CPD: variants seen among roughly 807,000 people sequenced by gnomAD.
The protein encoded by CPD is carboxypeptidase D, also known as metallocarboxypeptidase D.
CPD carries 69 observed loss-of-function variants against 138.3 expected under a neutral mutation model. That is an observed-to-expected ratio of 0.50 (90% CI 0.41 to 0.61). The LOEUF (loss-of-function observed/expected upper bound fraction) is 0.61, where lower values mean the gene tolerates loss of function less well. Among genes scored for constraint, CPD ranks in the 20% least tolerant of loss-of-function variants. CPD has a pLI of 0.00. For synonymous variants in CPD, 651 were observed against 642.1 expected, an observed-to-expected ratio of 1.01 and a Z score of -0.21; for missense variants, 1,432 against 1,733.3, an observed-to-expected ratio of 0.83 and a Z score of 3.09.
rs1396900502 is a variant in CPD at position 30,469,631 on chromosome 17, GAC to G, written c.*4821_*4822del. On this transcript the variant is annotated 3_prime_UTR_variant, in exon 21 of 21. Transcript: ENST00000225719. ...CTTTTTAATTTAGAAGAAATTCTGA[GAC>G]ACAAATAAAAAAAGAAATTTTTTAT... 4 of 152,108 alleles carry G rather than the reference GAC, an allele frequency of 2.6e-5. No homozygotes were observed. Among genetic ancestry groups the G allele is most frequent in the Admixed American group, 6.5e-5 (1 of 15,274 alleles). 9.4% of individuals were successfully genotyped at this position (152,108 alleles called of 1,614,324 possible). A position where few individuals can be genotyped will look rare whatever the true frequency, so the allele number is the denominator to read the frequency against.
In CPD at chr17:30,465,008, T is replaced by TAA. The variant is rs908139494; in HGVS notation, c.*202_*203dup. On this transcript the variant is annotated 3_prime_UTR_variant, in exon 21 of 21. Transcript: ENST00000225719. ...CCTTCCTTAAAGTACTCTAAACCTT[T>TAA]AAAAAAAAATCTGATTTATGCAGCA... The TAA allele has an allele frequency of 3.8e-6, 2 of 527,648 alleles. No homozygotes were observed. The highest frequency in any genetic ancestry group is 3.4e-6 in the Non-Finnish European group (1 of 295,532). 32.7% of individuals were successfully genotyped at this position (527,648 alleles called of 1,614,324 possible).
In CPD at chr17:30,466,464, C is replaced by T. The variant is rs1913641007; in HGVS notation, c.*1650C>T. 1.3e-5 allele frequency: 2 copies of T among 152,508 alleles called. No homozygotes were observed. The highest frequency in any genetic ancestry group is 6.6e-5 in the Admixed American group (1 of 15,252). The allele number at this position is 152,508 out of a possible 1,614,324, so 9.4% of individuals were successfully genotyped here. A position where few individuals can be genotyped will look rare whatever the true frequency, so the allele number is the denominator to read the frequency against. ...TGTTAATAAGTATCTGTGATAAATC[C>T]GTGGTTCAAGGTTAAGCCATTCTGG... On this transcript the variant is annotated 3_prime_UTR_variant, in exon 21 of 21. Transcript: ENST00000225719.
chr17:30,431,467 A>G (rs1005379667), intron 7 of CPD, among the ~76,000 whole-genome samples: 1 of 152,078 alleles, frequency 6.6e-6, no homozygotes, highest in African/African-American at 2.4e-5. Context: ...AATCCCGTAT[A>G]TCTGTTTTTT....
At chr17:30,401,176 A>T (rs1156776074) in intron 2 of CPD, among the ~76,000 whole-genome samples, 1 of 151,932 alleles carries the variant, frequency 6.6e-6, no homozygotes, top group Non-Finnish European at 1.5e-5. Context: ...TTCTATGGCC[A>T]CTTTCAAGAC....
rs1913637929 is a variant in CPD, at chr17:30,466,368, G to T, written c.*1554G>T. ...TTCCTAGGTCGTTCAACCAGGTTTT[G>T]TGAGGAATGCATTCAAAGTGGCTTT... On this transcript the variant is annotated 3_prime_UTR_variant, in exon 21 of 21. Transcript: ENST00000225719. 1.3e-5 allele frequency: 2 copies of T among 152,566 alleles called. No homozygotes were observed. The highest frequency in any genetic ancestry group is 4.8e-5 in the African/African-American group (2 of 41,440). The allele number at this position is 152,566 out of a possible 1,614,324, so 9.5% of individuals were successfully genotyped here.
intron 7 of CPD, among the ~76,000 whole-genome samples, chr17:30,428,882 T>TAAAAAAA (rs34217907): frequency 6.8e-6 from 1 of 146,688 alleles, no homozygotes. Flanking sequence ...GTAAAACTAC[T>TAAAAAAA]AAAAAAAAAA....
At chr17:30,452,221 T>C (rs1466812518) in intron 14 of CPD, among the ~76,000 whole-genome samples, 2 of 152,144 alleles carry the variant, frequency 1.3e-5, no homozygotes, top group African/African-American at 4.8e-5. Flanking sequence ...ACCTTTTTCA[T>C]TGAATATGTA....
At chr17:30,449,884 T>C (rs1913122731) in intron 13 of CPD, 136 bp downstream of exon 13, 2 of 677,216 alleles carry the variant, frequency 3.0e-6, no homozygotes, top group Non-Finnish European at 4.6e-6. Flanking sequence ...CTTTACTCTT[T>C]AAAAATGAAC....
rs1286804435 is a variant in CPD, at chr17:30,449,612, A to G, written c.2933A>G (p.Asn978Ser). The change falls in exon 13 of 21, where the codon AAT (asparagine) becomes AGT (serine). Residue 978 changes from asparagine to serine, a missense_variant. Asn to Ser is a conservative substitution (Grantham distance 46). Coordinates refer to ENST00000225719, the MANE Select transcript of CPD (RefSeq NM_001304.5). ...IWSLEISNKPNVSEPEEPKIR... is the reference protein window; with the variant it reads ...IWSLEISNKPSVSEPEEPKIR... ...TCCCTTGAAATCTCCAATAAGCCCA[A>G]TGTATCTGAGCCTGAAGAACCAAAG... 3.1e-6 allele frequency: 5 copies of G among 1,609,600 alleles called. No homozygotes were observed. The highest frequency in any genetic ancestry group is 1.3e-5 in the African/African-American group (1 of 74,674).
intron 8 of CPD, among the ~76,000 whole-genome samples, chr17:30,438,613 T>C (rs1912766653): frequency 6.6e-6 from 1 of 152,176 alleles, no homozygotes; most frequent in Admixed American, 6.6e-5. Flanking sequence ...TTTTTTGGAC[T>C]TCAAGCTCCT....
intron 17 of CPD, among the ~76,000 whole-genome samples, chr17:30,459,425 A>G (rs1159889386): frequency 1.5e-5 from 2 of 133,080 alleles, no homozygotes; most frequent in Non-Finnish European, 1.6e-5. Context: ...TCCTGTGTCC[A>G]TGTGTTCTCA....
chr17:30,382,457 G>A (rs949786158), intron 1 of CPD, among the ~76,000 whole-genome samples: 2 of 152,100 alleles, frequency 1.3e-5, no homozygotes, highest in African/African-American at 4.8e-5. Context: ...AAATAAGATT[G>A]GAGTTGATTT....
intron 2 of CPD, among the ~76,000 whole-genome samples, chr17:30,388,977 A>G (rs1911272142): frequency 6.6e-6 from 1 of 152,146 alleles, no homozygotes; most frequent in East Asian, 1.9e-4. Flanking sequence ...GGGTGGGCGC[A>G]GTGGCTGCAC....
intron 2 of CPD, among the ~76,000 whole-genome samples, chr17:30,415,610 T>C (rs1400107964): frequency 1.3e-5 from 2 of 152,178 alleles, no homozygotes; most frequent in Non-Finnish European, 2.9e-5. Flanking sequence ...AGGACTTAAA[T>C]GGACATTTCT....
At chr17:30,450,306 C>G (rs4795553) in intron 13 of CPD, 94,428 of 152,206 alleles carry the variant, frequency 0.62, 30,767 homozygotes, top group East Asian at 0.83. Flanking sequence ...TAATCCACCT[C>G]CTTTGGCCTC....
chr17:30,388,833 T>C (rs1911267319), intron 2 of CPD, among the ~76,000 whole-genome samples: 1 of 152,078 alleles, frequency 6.6e-6, no homozygotes, highest in South Asian at 2.1e-4. Context: ...CCGGAGCTGA[T>C]TGCGGGCCTG....
Position 30,451,688 on chromosome 17 carries a change from G to A in CPD, c.3070-23G>A, listed in dbSNP as rs199811296. ...TGATTCTACATGCAGCTAGTAACTC[G>A]TTAATTTCTGTTTGTGCTTCAGTTG... On this transcript the variant is annotated intron_variant, in intron 13 of 20. Transcript: ENST00000225719. The A allele has an allele frequency of 4.8e-4, 771 of 1,609,036 alleles. 11 individuals are homozygous for A. The South Asian group carries it at 6.3e-3, about 13-fold the overall frequency.
At chr17:30,424,275 A>G (rs936494374) in intron 6 of CPD, among the ~76,000 whole-genome samples, 1 of 152,232 alleles carries the variant, frequency 6.6e-6, no homozygotes, top group Non-Finnish European at 1.5e-5. Context: ...GATCATGCAG[A>G]TGAAGCCTCC....
At chr17:30,397,891 A>AG (rs1337233137) in intron 2 of CPD, among the ~76,000 whole-genome samples, 1 of 151,622 alleles carries the variant, frequency 6.6e-6, no homozygotes, top group Admixed American at 6.6e-5. Flanking sequence ...TTTAAAAAAA[A>AG]CTGGTCATGG....
Sources: gnomAD v4.1 joint callset for allele counts (sites outside exome capture counted in the v4.1 genomes callset) on GRCh38, gnomAD v4.1.1 for gene constraint, MANE v1.5 for transcripts, NCBI Gene and HGNC (gene_info 2026-07-23, HGNC 2026-07-21) for gene names.